QTMAN: variants seen among roughly 807,000 people sequenced by gnomAD.
QTMAN encodes queuosine-tRNA mannosyltransferase, also known as tRNA-queuosine alpha-mannosyltransferase.
the QTMAN span, chr2:144,208,695 GAC>G: frequency 6.2e-7 from 1 of 1,613,604 alleles, no homozygotes; most frequent in Non-Finnish European, 8.5e-7. Flanking sequence ...GGGTATAAAC[GAC>G]ACAGTCTCCT....
chr2:143,985,537 AT>A, the QTMAN span, among the ~76,000 whole-genome samples: 1 of 152,248 alleles, frequency 6.6e-6, no homozygotes, highest in Admixed American at 6.5e-5. Context: ...AATTTCCCAT[AT>A]AAATCTTAAA....
chr2:144,219,284 C>T, the QTMAN span, among the ~76,000 whole-genome samples: 1 of 152,096 alleles, frequency 6.6e-6, no homozygotes. Flanking sequence ...GCACGCACCA[C>T]CATGCTTGGC....
chr2:144,210,187 T>C, the QTMAN span, among the ~76,000 whole-genome samples: 1 of 152,194 alleles, frequency 6.6e-6, no homozygotes, highest in Non-Finnish European at 1.5e-5. Flanking sequence ...ACCTCAGCTC[T>C]GTCACTTCCA....
At chr2:144,088,978 A>G in the QTMAN span, among the ~76,000 whole-genome samples, 1 of 152,054 alleles carries the variant, frequency 6.6e-6, no homozygotes, top group Non-Finnish European at 1.5e-5. Context: ...TACTTAAACT[A>G]AAAAACTTCT....
the QTMAN span, among the ~76,000 whole-genome samples, chr2:144,310,671 T>A: frequency 6.6e-6 from 1 of 152,204 alleles, no homozygotes; most frequent in African/African-American, 2.4e-5. Flanking sequence ...AGAGTTAACA[T>A]GAACTACTGA....
the QTMAN span, among the ~76,000 whole-genome samples, chr2:143,968,626 C>T: frequency 6.6e-6 from 1 of 152,188 alleles, no homozygotes. Context: ...GTAAGACCAG[C>T]TAAGAAGCCT....
At chr2:144,301,954 T>C in the QTMAN span, among the ~76,000 whole-genome samples, 3 of 152,280 alleles carry the variant, frequency 2.0e-5, no homozygotes, top group African/African-American at 7.2e-5. Flanking sequence ...AATTAAGCAA[T>C]GACAACTTTC....
the QTMAN span, among the ~76,000 whole-genome samples, chr2:144,288,599 G>C: frequency 6.6e-6 from 1 of 152,134 alleles, no homozygotes; most frequent in Non-Finnish European, 1.5e-5. Context: ...AGTGAGAGCT[G>C]GTTAAAGAAA....
the QTMAN span, among the ~76,000 whole-genome samples, chr2:144,010,042 T>A: frequency 6.8e-6 from 1 of 146,656 alleles, no homozygotes; most frequent in Admixed American, 6.9e-5. Context: ...AATCACAAAC[T>A]TAGCTCATGA....
the QTMAN span, among the ~76,000 whole-genome samples, chr2:144,133,225 ATATATT>A: frequency 1.4e-5 from 1 of 71,464 alleles, no homozygotes; most frequent in South Asian, 3.4e-4. Context: ...ATATATAAAT[ATATATT>A]TATATTTATA....
chr2:144,222,931 A>G, the QTMAN span, among the ~76,000 whole-genome samples: 1 of 152,218 alleles, frequency 6.6e-6, no homozygotes, highest in South Asian at 2.1e-4. Context: ...TTGCATTTTA[A>G]AAGACTTCTC....
chr2:144,217,335 C>T, the QTMAN span, among the ~76,000 whole-genome samples: 1 of 152,080 alleles, frequency 6.6e-6, no homozygotes, highest in Non-Finnish European at 1.5e-5. Context: ...TTATACTTCA[C>T]TGCAGGCACA....
chr2:144,177,901 T>A, the QTMAN span, among the ~76,000 whole-genome samples: 1 of 152,198 alleles, frequency 6.6e-6, no homozygotes, highest in Admixed American at 6.6e-5. Context: ...TGTTTTACAT[T>A]CTTTATTTGA....
At chr2:143,994,960 A>G in the QTMAN span, among the ~76,000 whole-genome samples, 1 of 152,228 alleles carries the variant, frequency 6.6e-6, no homozygotes, top group African/African-American at 2.4e-5. Flanking sequence ...ACAGGCAGAA[A>G]GTGCTTTTTA....
At chr2:144,193,893 A>T in the QTMAN span, among the ~76,000 whole-genome samples, 2 of 152,156 alleles carry the variant, frequency 1.3e-5, no homozygotes. Flanking sequence ...GAAATAGTTA[A>T]AAGAGAGAAT....
At chr2:144,048,047 G>GA in the QTMAN span, among the ~76,000 whole-genome samples, 1 of 152,206 alleles carries the variant, frequency 6.6e-6, no homozygotes, top group African/African-American at 2.4e-5. Context: ...ACATTGGTTT[G>GA]AAATCTGTTT....
At chr2:144,145,490 T>C in the QTMAN span, 1 of 935,652 alleles carries the variant, frequency 1.1e-6, no homozygotes, top group Non-Finnish European at 1.6e-6. Context: ...TGTACAATAG[T>C]AGGTCTCCAG....
At chr2:144,054,107 G>A in the QTMAN span, among the ~76,000 whole-genome samples, 5 of 152,070 alleles carry the variant, frequency 3.3e-5, no homozygotes, top group East Asian at 1.9e-4. Context: ...AGAATGGCTC[G>A]AACCTGGGAG....
At chr2:144,256,374 A>G in the QTMAN span, among the ~76,000 whole-genome samples, 2 of 152,230 alleles carry the variant, frequency 1.3e-5, no homozygotes, top group Non-Finnish European at 2.9e-5. Flanking sequence ...ATGTTCACCA[A>G]TATGTATTAA....
Sources: gnomAD v4.1 joint callset for allele counts (sites outside exome capture counted in the v4.1 genomes callset) on GRCh38, gnomAD v4.1.1 for gene constraint, MANE v1.5 for transcripts, NCBI Gene and HGNC (gene_info 2026-07-23, HGNC 2026-07-21) for gene names.